Variants in TNS3 observed in about 807,000 individuals in gnomAD.
TNS3 encodes the protein tensin-3.
In TNS3, 45 loss-of-function variants were observed where a neutral mutation model predicts 140.9. The observed-to-expected ratio is 0.32, with a 90% CI of 0.25 to 0.41. TNS3 has a LOEUF of 0.41. Among genes scored for constraint, TNS3 ranks in the 10% least tolerant of loss-of-function variants. TNS3 has a pLI of 1.00. For synonymous variants in TNS3, 815 were observed against 788.4 expected (o/e 1.03, Z -0.56); for missense variants, 1,716 against 1,906.7 (o/e 0.90, Z 1.86).
At chr7:47,573,631 C>T (rs1800608774) in intron 1 of TNS3, among the ~76,000 whole-genome samples, 1 of 152,126 alleles carries the variant, frequency 6.6e-6, no homozygotes, top group South Asian at 2.1e-4. Flanking sequence ...CCCTCACCTC[C>T]CCCAGCCCAG....
At chr7:47,443,345 C>T (rs1026135644) in intron 4 of TNS3, among the ~76,000 whole-genome samples, 3 of 152,138 alleles carry the variant, frequency 2.0e-5, no homozygotes, top group Non-Finnish European at 4.4e-5. Context: ...AGTGAAGTCC[C>T]GTGGTCTCCA....
chr7:47,365,737 G>C (rs539843173), intron 17 of TNS3, among the ~76,000 whole-genome samples: 1 of 152,222 alleles, frequency 6.6e-6, no homozygotes, highest in Admixed American at 6.5e-5. Flanking sequence ...TCCAGCTTGG[G>C]CGACAGAGTG....
At chr7:47,557,545 C>T (rs1800227019) in intron 1 of TNS3, among the ~76,000 whole-genome samples, 2 of 152,190 alleles carry the variant, frequency 1.3e-5, no homozygotes, top group African/African-American at 4.8e-5. Context: ...TAAGTAACAA[C>T]CAGGTAAAGC....
At chr7:47,531,193 C>A (rs1045317814) in intron 1 of TNS3, among the ~76,000 whole-genome samples, 1 of 151,878 alleles carries the variant, frequency 6.6e-6, no homozygotes, top group Admixed American at 6.6e-5. Context: ...AATCTGTACA[C>A]CAAACCCCCA....
chr7:47,516,955 C>T (rs1207076471), intron 2 of TNS3, among the ~76,000 whole-genome samples: 1 of 152,112 alleles, frequency 6.6e-6, no homozygotes, highest in African/African-American at 2.4e-5. Flanking sequence ...CCCAGCTACT[C>T]GGGAAGCTGA....
At chr7:47,304,655 G>A (rs918748269) in intron 21 of TNS3, among the ~76,000 whole-genome samples, 177 bp downstream of exon 21, 12 of 152,176 alleles carry the variant, frequency 7.9e-5, no homozygotes, top group Admixed American at 6.5e-4. Context: ...TGTCCCCGGC[G>A]GTAGCAGTGT....
chr7:47,561,832 G>A (rs924620244), intron 1 of TNS3, among the ~76,000 whole-genome samples: 3 of 152,210 alleles, frequency 2.0e-5, no homozygotes, highest in Non-Finnish European at 2.9e-5. Flanking sequence ...TTGCCCTTGG[G>A]TGACCTGAGA....
rs140169813 is a variant in TNS3 at position 47,332,471 on chromosome 7, C to G, written c.2650+12284G>C. On this transcript the variant is annotated intron_variant, in intron 20 of 30. Coordinates refer to ENST00000311160, the MANE Select transcript of TNS3 (RefSeq NM_022748.12). Reference sequence around the variant, plus strand: ...GAGGAGACAAGCCCAGGCTCAGGCCCGAGCTGTGGATTCCGGATTCCACAC... The same window carrying G: ...GAGGAGACAAGCCCAGGCTCAGGCCGGAGCTGTGGATTCCGGATTCCACAC... Among the ~76,000 whole-genome samples the G allele has an allele frequency of 1.4e-4, 22 of 152,282 alleles. 1 individual carries two copies. The East Asian group carries it at 4.3e-3, about 29-fold the overall frequency.
At chr7:47,340,585 C>CTTTTTTTTTTTTTTTTTTTTTTTTTTTTT (rs774726583) in intron 20 of TNS3, among the ~76,000 whole-genome samples, 1 of 134,856 alleles carries the variant, frequency 7.4e-6, no homozygotes, top group African/African-American at 2.8e-5. Flanking sequence ...TCTTTTTTTT[C>CTTTTTTTTTTTTTTTTTTTTTTTTTTTTT]TTTTTTTTTT....
intron 1 of TNS3, among the ~76,000 whole-genome samples, chr7:47,532,220 G>C (rs1342008084): frequency 6.6e-6 from 1 of 152,152 alleles, no homozygotes; most frequent in Non-Finnish European, 1.5e-5. Flanking sequence ...TGGGCAGAAG[G>C]GGGTGGGTCC....
At chr7:47,554,563 T>C (rs972561270) in intron 1 of TNS3, among the ~76,000 whole-genome samples, 2 of 152,210 alleles carry the variant, frequency 1.3e-5, no homozygotes, top group African/African-American at 2.4e-5. Context: ...TTATGAATGA[T>C]CTTGAGGGTT....
intron 20 of TNS3, among the ~76,000 whole-genome samples, chr7:47,319,037 G>A (rs1422336914): frequency 6.6e-6 from 1 of 152,190 alleles, no homozygotes; most frequent in East Asian, 1.9e-4. Context: ...CCCTTCTAAG[G>A]AAAGGTCACT....
intron 4 of TNS3, 115 bp from the exon 5 acceptor site, chr7:47,442,170 C>T (rs1437901771): frequency 3.3e-6 from 2 of 610,670 alleles, no homozygotes; most frequent in African/African-American, 2.0e-5. Context: ...TCATAAACAG[C>T]AAGTCAATCG....
At position 47,469,410 on chromosome 7, in the gene TNS3, G is replaced by A. The variant is rs545640364; in HGVS notation, c.-76+11693C>T. ...AAAAAGTCAAAAAACATCAGACGTC[G>A]GCTAGGCTGCAGAGAAAAGGAATGC... On this transcript the variant is annotated intron_variant, in intron 4 of 30. Coordinates refer to ENST00000311160, the MANE Select transcript of TNS3 (RefSeq NM_022748.12). 3.1e-4 allele frequency among the ~76,000 whole-genome samples: 47 copies of A among 152,258 alleles called. No individual in the cohort carries two copies. In the South Asian group the frequency reaches 7.9e-3, roughly 26 times the overall value.
intron 12 of TNS3, among the ~76,000 whole-genome samples, chr7:47,413,327 C>A (rs1478370884): frequency 7.1e-6 from 1 of 141,160 alleles, no homozygotes; most frequent in Non-Finnish European, 1.5e-5. Context: ...TCTCGGCTCA[C>A]TGCAACCTCC....
intron 17 of TNS3, among the ~76,000 whole-genome samples, chr7:47,357,405 C>T (rs1405059684): frequency 1.3e-5 from 2 of 152,138 alleles, no homozygotes; most frequent in African/African-American, 2.4e-5. Flanking sequence ...CTAATCTTTT[C>T]GAGACAGTGT....
intron 2 of TNS3, among the ~76,000 whole-genome samples, chr7:47,517,076 A>G (rs1048023553): frequency 1.1e-4 from 16 of 152,256 alleles, no homozygotes; most frequent in African/African-American, 3.9e-4. Flanking sequence ...AAACAAACAA[A>G]CAAAAATCTA....
chr7:47,414,602 A>T (rs1013712425), intron 11 of TNS3, among the ~76,000 whole-genome samples: 5 of 152,058 alleles, frequency 3.3e-5, no homozygotes, highest in Admixed American at 2.0e-4. Context: ...GTGCTCATCT[A>T]AGTGGGACAG....
intron 10 of TNS3, among the ~76,000 whole-genome samples, chr7:47,423,718 T>C (rs950140771): frequency 6.6e-6 from 1 of 152,242 alleles, no homozygotes; most frequent in African/African-American, 2.4e-5. Context: ...CTGCAAAGCC[T>C]AAAATATCCA....
Sources: gnomAD v4.1 joint callset for allele counts (sites outside exome capture counted in the v4.1 genomes callset) on GRCh38, gnomAD v4.1.1 for gene constraint, MANE v1.5 for transcripts, NCBI Gene and HGNC (gene_info 2026-07-23, HGNC 2026-07-21) for gene names.